The following WASHC2C variants were observed in gnomAD, a reference collection of about 807,000 sequenced individuals.
WASHC2C encodes the protein WASH complex subunit 2C.
In WASHC2C, 73 loss-of-function variants were observed where a neutral mutation model predicts 142.2. That is an observed-to-expected ratio of 0.51 (90% CI 0.43 to 0.62). The LOEUF (loss-of-function observed/expected upper bound fraction) is 0.62, where lower values mean the gene tolerates loss of function less well. Among genes scored for constraint, WASHC2C ranks in the 20% least tolerant of loss-of-function variants. The probability of loss-of-function intolerance (pLI) is 0.00; values close to 1 mark genes in which losing one functional copy is unlikely to be tolerated. For synonymous variants in WASHC2C, 337 were observed against 565.5 expected (o/e 0.60, Z 5.73); for missense variants, 969 against 1,531.7 (o/e 0.63, Z 6.13).
intron 19 of WASHC2C, among the ~76,000 whole-genome samples, chr10:45,766,430 A>G (rs1159396053): frequency 6.9e-6 from 1 of 144,690 alleles, no homozygotes; most frequent in Non-Finnish European, 1.5e-5. Flanking sequence ...GACCTACTCC[A>G]GAGAGGGTTA....
intron 28 of WASHC2C, 48 bp downstream of exon 28, chr10:45,787,295 A>G (rs782390206): frequency 2.2e-4 from 180 of 814,914 alleles, no homozygotes; most frequent in Middle Eastern, 3.6e-4. Flanking sequence ...TAACCAGAAC[A>G]TGCATATGCT....
chr10:45,754,355 C>T (rs1554876222), intron 13 of WASHC2C, 131 bp from the exon 14 acceptor site: 38 of 1,537,090 alleles, frequency 2.5e-5, no homozygotes, highest in Non-Finnish European at 1.8e-6. Flanking sequence ...TTTAAAATGG[C>T]TTGTTCAGGA....
chr10:45,763,126 T>C (rs1159500706), intron 17 of WASHC2C, among the ~76,000 whole-genome samples: 2 of 152,098 alleles, frequency 1.3e-5, no homozygotes, highest in African/African-American at 4.8e-5. Context: ...CTTCTGTCAT[T>C]CAGGTGGGAA....
chr10:45,787,284 T>C (rs1380052561), intron 28 of WASHC2C, 37 bp downstream of exon 28: 10 of 943,040 alleles, frequency 1.1e-5, no homozygotes, highest in Middle Eastern at 3.2e-4. Flanking sequence ...CTCTCTTCTT[T>C]TAACCAGAAC....
rs1239082838 is a variant in WASHC2C at position 45,750,836 on chromosome 10, C to A, written c.929C>A (p.Thr310Lys). 4.5e-6 allele frequency: 7 copies of A among 1,548,114 alleles called. No homozygotes were observed. The South Asian group carries it at 8.3e-5, about 18-fold the overall frequency. The change falls in exon 10 of 31, where the codon ACA (threonine) becomes AAA (lysine). Residue 310 changes from threonine (T) to lysine (K), a missense_variant and splice_region_variant. Physicochemically the swap from Thr to Lys is moderately conservative, Grantham distance 78. Transcript: ENST00000623400. ...DAMGRVDEEPTTLPSGEAKPR... is the reference protein window; with the variant it reads ...DAMGRVDEEPKTLPSGEAKPR... Reference sequence around the variant, plus strand: ...ATGGGTCGAGTGGACGAGGAGCCGACAAGTGAGCCCCAGCCACGTTGATGG... The same window carrying A: ...ATGGGTCGAGTGGACGAGGAGCCGAAAAGTGAGCCCCAGCCACGTTGATGG...
intron 6 of WASHC2C, among the ~76,000 whole-genome samples, chr10:45,744,544 T>C (rs1358378929): frequency 6.6e-6 from 1 of 151,982 alleles, no homozygotes; most frequent in African/African-American, 2.4e-5. Context: ...TGATGCCATT[T>C]CTCAGCCTTT....
Position 45,784,273 on chromosome 10 carries a change from T to TACAC in WASHC2C, c.2479-291_2479-290insCACA, listed in dbSNP as rs2057800602. Among the ~76,000 whole-genome samples, 3 of 8,036 alleles carry TACAC rather than the reference T, an allele frequency of 3.7e-4. No homozygotes were observed. In the South Asian group the frequency reaches 0.028, roughly 74 times the overall value. The allele number at this position is 8,036 out of a possible 152,430, so 5.3% of individuals were successfully genotyped here. ...GTGTGTATATATATATATATATATATATATATATATATATATACACATATA... is the reference window on the plus strand; with the variant it reads ...GTGTGTATATATATATATATATATATACACATATATATATATATATACACATATA... On this transcript the variant is annotated intron_variant, in intron 23 of 30. Coordinates refer to ENST00000623400, the MANE Select transcript of WASHC2C (RefSeq NM_001330074.2).
chr10:45,773,765 G>C (rs1206892069), intron 21 of WASHC2C, among the ~76,000 whole-genome samples: 1 of 152,142 alleles, frequency 6.6e-6, no homozygotes, highest in Non-Finnish European at 1.5e-5. Flanking sequence ...TGAACCTTGA[G>C]GCCGTTATAC....
intron 8 of WASHC2C, 86 bp from the exon 9 acceptor site, chr10:45,750,007 ACTT>A (rs2053400781): frequency 1.7e-6 from 2 of 1,188,026 alleles, no homozygotes; most frequent in Non-Finnish European, 2.2e-6. Context: ...AAAAGCTGTT[ACTT>A]CTTTGAAGGA....
At chr10:45,755,159 G>A in intron 15 of WASHC2C, 44 bp downstream of exon 15, 1 of 1,560,530 alleles carries the variant, frequency 6.4e-7, no homozygotes, top group Non-Finnish European at 8.7e-7. Context: ...GCCAGAAAAA[G>A]AATGTTGCCT....
chr10:45,769,227 C>T (rs1372874534), intron 19 of WASHC2C, among the ~76,000 whole-genome samples: 1 of 151,664 alleles, frequency 6.6e-6, no homozygotes, highest in East Asian at 2.0e-4. Context: ...ACTCCATTCT[C>T]CTGCCTCAGC....
intron 23 of WASHC2C, among the ~76,000 whole-genome samples, chr10:45,784,272 A>ATATATATGTGTG (rs2057799349): frequency 1.7e-4 from 1 of 5,988 alleles, no homozygotes; most frequent in Non-Finnish European, 4.9e-4. Flanking sequence ...ATATATATAT[A>ATATATATGTGTG]TATATATATA....
At chr10:45,739,288 T>C (rs1403840195) in intron 4 of WASHC2C, among the ~76,000 whole-genome samples, 1 of 115,588 alleles carries the variant, frequency 8.7e-6, no homozygotes, top group Non-Finnish European at 1.8e-5. Context: ...GCTCGTAGGG[T>C]TTTTTTTTTT....
chr10:45,772,541 C>A (rs1301702316), intron 20 of WASHC2C, among the ~76,000 whole-genome samples: 1 of 151,582 alleles, frequency 6.6e-6, no homozygotes, highest in Non-Finnish European at 1.5e-5. Flanking sequence ...CATAGAGCGA[C>A]CTCACCTCTC....
intron 20 of WASHC2C, chr10:45,771,448 C>T (rs2135401992): frequency 2.0e-6 from 2 of 984,784 alleles, no homozygotes; most frequent in Admixed American, 6.2e-5. Flanking sequence ...GCAGACATGG[C>T]TCCACCTTCA....
At chr10:45,787,774 C>T (rs2058152484) in intron 28 of WASHC2C, among the ~76,000 whole-genome samples, 1 of 152,206 alleles carries the variant, frequency 6.6e-6, no homozygotes, top group Admixed American at 6.5e-5. Flanking sequence ...CTGCTGCCTC[C>T]TCACCAGGAA....
At chr10:45,760,901 T>C (rs1200963350) in intron 17 of WASHC2C, among the ~76,000 whole-genome samples, 1 of 151,294 alleles carries the variant, frequency 6.6e-6, no homozygotes, top group Non-Finnish European at 1.5e-5. Flanking sequence ...TTTGTATCCC[T>C]AACACCCCGT....
Position 45,727,611 on chromosome 10 carries a change from G to A in WASHC2C, c.126+72G>A, listed in dbSNP as rs534878329. 404 of 1,475,924 alleles carry A rather than the reference G, an allele frequency of 2.7e-4. 1 individual carries two copies. The African/African-American group carries it at 5.3e-3, about 19-fold the overall frequency. 91.4% of individuals were successfully genotyped at this position (1,475,924 alleles called of 1,614,324 possible). ...GGCTTGCGCGCAGGAGGGCCGGACCGCGACTGCCCCTGCACCTGGCCCGTC... is the reference window on the plus strand; with the variant it reads ...GGCTTGCGCGCAGGAGGGCCGGACCACGACTGCCCCTGCACCTGGCCCGTC... On this transcript the variant is annotated intron_variant, in intron 2 of 30. Transcript: ENST00000623400.
intron 20 of WASHC2C, chr10:45,771,531 C>T: frequency 1.0e-6 from 1 of 982,850 alleles, no homozygotes; most frequent in Non-Finnish European, 1.2e-6. Flanking sequence ...TGTCCACTAC[C>T]CCCACCCCAC....
Sources: gnomAD v4.1 joint callset for allele counts (sites outside exome capture counted in the v4.1 genomes callset) on GRCh38, gnomAD v4.1.1 for gene constraint, MANE v1.5 for transcripts, NCBI Gene and HGNC (gene_info 2026-07-23, HGNC 2026-07-21) for gene names.